The following CEP164 variants were observed in gnomAD, a reference collection of about 807,000 sequenced individuals.
The protein encoded by CEP164 is centrosomal protein of 164 kDa.
CEP164 carries 162 observed loss-of-function variants against 182.7 expected under a neutral mutation model. That is an observed-to-expected ratio of 0.89 (90% CI 0.78 to 1.01). The LOEUF is 1.01. CEP164 is among the 50% of genes least tolerant of loss of function. The pLI is 0.00. For missense variants in CEP164, 1,735 were observed against 1,790.4 expected (o/e 0.97, Z 0.56); for synonymous variants, 661 against 690.0 (o/e 0.96, Z 0.66).
intron 1 of CEP164, among the ~76,000 whole-genome samples, chr11:117,332,033 C>T (rs2134720138): frequency 6.6e-6 from 1 of 151,156 alleles, no homozygotes; most frequent in East Asian, 1.9e-4. Flanking sequence ...CTATATTGCT[C>T]AGGCTGGTCT....
intron 5 of CEP164, among the ~76,000 whole-genome samples, chr11:117,358,314 C>G (rs1275919505): frequency 6.6e-6 from 1 of 152,134 alleles, no homozygotes; most frequent in Non-Finnish European, 1.5e-5. Context: ...TGGTCAAGGC[C>G]TGGGAGAACA....
Position 117,409,630 on chromosome 11 carries a change from C to T in CEP164, c.3761C>T (p.Pro1254Leu), listed in dbSNP as rs760270400. Residue 1254 changes from proline (P) to leucine (L), a missense_variant, in exon 30 of 33, where the codon CCG becomes CTG. Transcript: ENST00000278935. This position sits in a 1 kb window ranked among gnomAD's most constrained non-coding sequence, Gnocchi z 4.4. ...WWRQQRIDST[P>L]SLTSRKIHGL... is the part of the protein sequence containing the mutation. The stretch of plus-strand genomic sequence containing the variant: ...TCTTTTCTTTCAGTCGACTCAACCC[C>T]GAGTCTCACCTCCCGCAAGATCCAC... 1.6e-5 allele frequency: 25 copies of T among 1,607,822 alleles called. No homozygotes were observed. Among genetic ancestry groups the T allele is most frequent in the African/African-American group, 4.0e-5 (3 of 74,772 alleles).
chr11:117,402,805 G>A (rs1008886461), intron 27 of CEP164, among the ~76,000 whole-genome samples: 1 of 152,064 alleles, frequency 6.6e-6, no homozygotes, highest in African/African-American at 2.4e-5. Flanking sequence ...TATTGGCAGT[G>A]GGGTGTGGGA....
intron 14 of CEP164, among the ~76,000 whole-genome samples, chr11:117,383,449 C>T (rs2043576330): frequency 6.6e-6 from 1 of 152,180 alleles, no homozygotes; most frequent in Non-Finnish European, 1.5e-5. Context: ...ACTGTTCTGG[C>T]CTGTGAGCTC....
intron 28 of CEP164, chr11:117,408,491 G>T (rs751341313): frequency 7.3e-5 from 20 of 272,876 alleles, no homozygotes; most frequent in Non-Finnish European, 1.3e-4. Flanking sequence ...GTGGGGGTCT[G>T]TGTGGACCTG....
rs1276525708 is a variant in CEP164 at position 117,371,291 on chromosome 11, A to G, written c.977A>G (p.Asn326Ser). The stretch of plus-strand genomic sequence containing the variant: ...AAGAGTGAACCTAAGATTTGCAGGA[A>G]TCTGGTGACCCCCAAGGCAGACCCT... ...NEKSEPKICR[N>S]LVTPKADPTG... The change falls in exon 9 of 33, where the codon AAT (asparagine) becomes AGT (serine). Residue 326 changes from asparagine (N) to serine (S), a missense_variant. Coordinates refer to ENST00000278935, the MANE Select transcript of CEP164 (RefSeq NM_014956.5). 1 of 1,614,086 alleles carries G rather than the reference A, an allele frequency of 6.2e-7. No individual in the cohort carries two copies. Among genetic ancestry groups the G allele is most frequent in the East Asian group, 2.2e-5 (1 of 44,894 alleles).
intron 8 of CEP164, among the ~76,000 whole-genome samples, chr11:117,366,403 T>A (rs1453114661): frequency 1.3e-5 from 2 of 152,160 alleles, no homozygotes; most frequent in Non-Finnish European, 2.9e-5. Context: ...GCATCTCTTC[T>A]CGTCTCCTCC....
chr11:117,393,908 C>T (rs2045066930), intron 20 of CEP164, among the ~76,000 whole-genome samples: 1 of 152,232 alleles, frequency 6.6e-6, no homozygotes, highest in South Asian at 2.1e-4. Flanking sequence ...GGTGTTAAGA[C>T]TACTGCTCCA....
At chr11:117,353,166 A>G (rs758602856) in intron 5 of CEP164, among the ~76,000 whole-genome samples, 28 of 152,104 alleles carry the variant, frequency 1.8e-4, no homozygotes, top group Non-Finnish European at 3.2e-4. Context: ...CACTGGGAAC[A>G]TCGTTTCAAC....
intron 17 of CEP164, 101 bp downstream of exon 17, chr11:117,391,316 G>A (rs2136327810): frequency 5.9e-6 from 7 of 1,178,046 alleles, no homozygotes; most frequent in African/African-American, 1.5e-5. Context: ...TCGGGTGGGC[G>A]TGCAGGCTGG....
intron 11 of CEP164, among the ~76,000 whole-genome samples, chr11:117,376,255 A>T (rs1565526847): frequency 6.6e-6 from 1 of 151,590 alleles, no homozygotes; most frequent in East Asian, 1.9e-4. Context: ...TTGGTCCTGG[A>T]GGTTCACCTC....
At chr11:117,399,092 G>A (rs1000240623) in intron 27 of CEP164, among the ~76,000 whole-genome samples, 1 of 151,906 alleles carries the variant, frequency 6.6e-6, no homozygotes, top group Non-Finnish European at 1.5e-5. Flanking sequence ...CCCAACAACC[G>A]GTCATCTGCA....
intron 8 of CEP164, among the ~76,000 whole-genome samples, chr11:117,370,259 C>G (rs1444034940): frequency 6.6e-6 from 1 of 151,936 alleles, no homozygotes; most frequent in Non-Finnish European, 1.5e-5. Context: ...TGCTGCTGAT[C>G]AGCATGTACC....
At chr11:117,341,646 G>C (rs568033799) in intron 3 of CEP164, among the ~76,000 whole-genome samples, 1 of 151,758 alleles carries the variant, frequency 6.6e-6, no homozygotes, top group African/African-American at 2.4e-5. Flanking sequence ...GGGTCTTGCC[G>C]TGTTGCCCAG....
chr11:117,400,449 G>A (rs1378496943), intron 27 of CEP164, among the ~76,000 whole-genome samples: 4 of 152,170 alleles, frequency 2.6e-5, no homozygotes, highest in African/African-American at 9.7e-5. Flanking sequence ...TTTTTGCTTA[G>A]GATTGTCTTG....
intron 1 of CEP164, among the ~76,000 whole-genome samples, chr11:117,331,735 T>C (rs1374346712): frequency 1.4e-5 from 2 of 148,058 alleles, no homozygotes; most frequent in Non-Finnish European, 3.0e-5. Flanking sequence ...TCCTAGCTTC[T>C]GAGATTGCTG....
intron 27 of CEP164, among the ~76,000 whole-genome samples, chr11:117,407,457 C>CAAAA (rs1232486465): frequency 2.8e-3 from 190 of 67,580 alleles, no homozygotes; most frequent in African/African-American, 3.5e-3. Context: ...TCTGTCTCTA[C>CAAAA]AAAAAAAAAA....
upstream of CEP164, among the ~76,000 whole-genome samples, chr11:117,327,211 G>T (rs571592403): frequency 6.6e-6 from 1 of 152,318 alleles, no homozygotes; most frequent in African/African-American, 2.4e-5. Context: ...TAGGAGCACA[G>T]GAGAGCCAGT....
At chr11:117,337,510 T>TAAAAAAAAAAAAAAAAAAAA (rs55864956) in intron 2 of CEP164, among the ~76,000 whole-genome samples, 3 of 128,878 alleles carry the variant, frequency 2.3e-5, no homozygotes, top group Non-Finnish European at 4.9e-5. Context: ...ACCATCTCTG[T>TAAAAAAAAAAAAAAAAAAAA]AAAAAAAAAA....
Sources: gnomAD v4.1 joint callset for allele counts (sites outside exome capture counted in the v4.1 genomes callset) on GRCh38, gnomAD v4.1.1 for gene constraint, Gnocchi (gnomAD v3.1) non-coding constraint, MANE v1.5 for transcripts, NCBI Gene and HGNC (gene_info 2026-07-23, HGNC 2026-07-21) for gene names.